AMPD3: variants seen among roughly 807,000 people sequenced by gnomAD.
The protein encoded by AMPD3 is adenosine monophosphate deaminase 3.
AMPD3 carries 57 observed loss-of-function variants against 82.3 expected under a neutral mutation model. The ratio of observed to expected loss-of-function variants is 0.69; its 90% confidence interval spans 0.56 to 0.86. The LOEUF is 0.86. Ranked by LOEUF, AMPD3 falls within the 40% of genes least tolerant of loss-of-function variation. The pLI, the probability that AMPD3 is intolerant of heterozygous loss-of-function variation, is 0.00. For synonymous variants in AMPD3, 381 were observed against 394.7 expected, an observed-to-expected ratio of 0.97 and a Z score of 0.41; for missense variants, 870 against 1,003.8, an observed-to-expected ratio of 0.87 and a Z score of 1.80.
chr11:10,468,679 C>T (rs962801963), intron 2 of AMPD3, among the ~76,000 whole-genome samples: 9 of 152,224 alleles, frequency 5.9e-5, no homozygotes, highest in African/African-American at 2.2e-4. Flanking sequence ...CCCAAATCAA[C>T]AGAATATACA....
chr11:10,500,157 C>G lies in AMPD3; in HGVS notation c.1629C>G (p.Asn543Lys), dbSNP rs1377367096. Residue 543 changes from asparagine (N) to lysine (K), a missense_variant, in exon 11 of 15, where the codon AAC (asparagine) becomes AAG (lysine). Physicochemically the swap from Asn to Lys is moderately conservative, Grantham distance 94. Coordinates refer to ENST00000396553, the MANE Select transcript of AMPD3 (RefSeq NM_001025389.2). ...SDHMFSDKSP[N>K]PDVWTSEQNP... ...ACATGTTTTCCGACAAGAGCCCAAA[C>G]CCGGACGTCTGGACCAGTGAGCAGA... 2 of 1,614,238 alleles carry G rather than the reference C, an allele frequency of 1.2e-6. No individual in the cohort carries two copies. Among genetic ancestry groups the G allele is most frequent in the East Asian group, 2.2e-5 (1 of 44,882 alleles).
chr11:10,496,337 T>G, intron 9 of AMPD3: 1 of 985,428 alleles, frequency 1.0e-6, no homozygotes, highest in Middle Eastern at 5.2e-4. Flanking sequence ...CCCCAGGGTA[T>G]GGGGAGAGCT....
At chr11:10,476,321 C>T (rs1043090297) in intron 2 of AMPD3, among the ~76,000 whole-genome samples, 10 of 152,130 alleles carry the variant, frequency 6.6e-5, no homozygotes, top group Non-Finnish European at 8.8e-5. Flanking sequence ...CCAAGGTTGT[C>T]GCCATAATGG....
chr11:10,452,460 C>T (rs2133800180), upstream of AMPD3, among the ~76,000 whole-genome samples: 1 of 152,142 alleles, frequency 6.6e-6, no homozygotes, highest in Middle Eastern at 3.4e-3. Flanking sequence ...AGGATGAGCT[C>T]ATGGCTGGAG....
chr11:10,454,465 A>G (rs531851389), upstream of AMPD3, among the ~76,000 whole-genome samples: 36 of 152,334 alleles, frequency 2.4e-4, no homozygotes, highest in South Asian at 7.5e-3. Flanking sequence ...AGGATGGTCA[A>G]ATAAGTGCGT....
upstream of AMPD3, among the ~76,000 whole-genome samples, chr11:10,454,805 C>A (rs1591433730): frequency 6.6e-6 from 1 of 152,176 alleles, no homozygotes; most frequent in Non-Finnish European, 1.5e-5. Flanking sequence ...CTCCTTCTGG[C>A]AGAATAGTAC....
chr11:10,471,192 G>C (rs1848579008), intron 2 of AMPD3, among the ~76,000 whole-genome samples: 1 of 152,144 alleles, frequency 6.6e-6, no homozygotes, highest in Admixed American at 6.5e-5. Flanking sequence ...TGACAAACCT[G>C]GCACAAACAA....
At chr11:10,459,858 G>A (rs969078618) in intron 1 of AMPD3, among the ~76,000 whole-genome samples, 25 of 151,980 alleles carry the variant, frequency 1.6e-4, no homozygotes, top group African/African-American at 5.8e-4. Context: ...AGAGAGGAAA[G>A]GGATGAGAGA....
At chr11:10,462,461 C>G (rs1480832762) in intron 2 of AMPD3, among the ~76,000 whole-genome samples, 1 of 152,128 alleles carries the variant, frequency 6.6e-6, no homozygotes, top group Non-Finnish European at 1.5e-5. Flanking sequence ...GGTGGACTTT[C>G]CAGTGGAAAC....
chr11:10,461,979 T>C (rs539070724), intron 2 of AMPD3, among the ~76,000 whole-genome samples: 8 of 152,176 alleles, frequency 5.3e-5, no homozygotes, highest in Non-Finnish European at 1.2e-4. Context: ...ACACACCATT[T>C]CCAAATGGCA....
At position 10,503,008 on chromosome 11, in the gene AMPD3, T is replaced by A. The variant is rs1047484565; in HGVS notation, c.2016+114T>A. 8 of 1,271,650 alleles carry A rather than the reference T, an allele frequency of 6.3e-6. No individual in the cohort carries two copies. In the Admixed American group the frequency reaches 1.2e-4, roughly 18 times the overall value. 78.8% of individuals were successfully genotyped at this position (1,271,650 alleles called of 1,614,324 possible). A position where few individuals can be genotyped will look rare whatever the true frequency, so the allele number is the denominator to read the frequency against. ...AGTTCTGCTTTTGGGGTGGGGTTGGTGGCCCAGTGAAGGCAGGAAGGAAGC... is the reference window on the plus strand; with the variant it reads ...AGTTCTGCTTTTGGGGTGGGGTTGGAGGCCCAGTGAAGGCAGGAAGGAAGC... On this transcript the variant is annotated intron_variant, in intron 13 of 14. Coordinates refer to ENST00000396553, the MANE Select transcript of AMPD3 (RefSeq NM_001025389.2).
At chr11:10,474,903 A>G (rs529443003) in intron 2 of AMPD3, among the ~76,000 whole-genome samples, 7 of 152,200 alleles carry the variant, frequency 4.6e-5, no homozygotes, top group Non-Finnish European at 1.0e-4. Context: ...CAGGTGAGAT[A>G]GTGGACAGAC....
chr11:10,486,250 G>T (rs1262373424), intron 5 of AMPD3, among the ~76,000 whole-genome samples: 1 of 152,174 alleles, frequency 6.6e-6, no homozygotes, highest in Non-Finnish European at 1.5e-5. Flanking sequence ...CGTCCACTCT[G>T]GGGCTTGTCT....
At chr11:10,454,807 GAATAGTACT>G (rs2133805405), upstream of AMPD3, among the ~76,000 whole-genome samples, 2 of 152,256 alleles carry the variant, frequency 1.3e-5, no homozygotes, top group South Asian at 4.1e-4. Context: ...CCTTCTGGCA[GAATAGTACT>G]AAGGGCTTGG....
intron 1 of AMPD3, chr11:10,461,049 C>G: frequency 8.7e-7 from 1 of 1,152,814 alleles, no homozygotes; most frequent in African/African-American, 1.6e-5. Context: ...TCCCAGGGCT[C>G]TGCTGTAATC....
chr11:10,501,361 G>A, intron 11 of AMPD3, 109 bp from the exon 12 acceptor site: 1 of 1,533,608 alleles, frequency 6.5e-7, no homozygotes, highest in Non-Finnish European at 8.8e-7. Context: ...CAGCACAGCT[G>A]ACCATGGGTG....
At position 10,472,224 on chromosome 11, in the gene AMPD3, A is replaced by G. The variant is rs180818583; in HGVS notation, c.222-6302A>G. On this transcript the variant is annotated intron_variant, in intron 2 of 14. Transcript: ENST00000396553. ...AACCAAACATCGCATGTTCTCACTC[A>G]TAAGTAGGAGTTGAACAATGAGAAC... Among the ~76,000 whole-genome samples the G allele has an allele frequency of 2.5e-3, 383 of 152,262 alleles. 2 individuals carry two copies. The highest frequency in any genetic ancestry group is 8.7e-3 in the African/African-American group (363 of 41,540).
Position 10,478,652 on chromosome 11 carries a change from C to G in AMPD3, c.348C>G (p.Ala116=). The G allele has an allele frequency of 6.2e-7, 1 of 1,614,228 alleles. No individual in the cohort carries two copies. The highest frequency in any genetic ancestry group is 8.5e-7 in the Non-Finnish European group (1 of 1,180,036). ...MSPTTPVVTG[A]TSLPTPAPYA... ...CCACAACCCCTGTGGTCACTGGAGC[C>G]ACTTCCCTGCCCACGCCAGCACCCT... is the stretch of plus-strand genomic sequence containing the variant. The change falls in exon 3 of 15, where the codon GCC becomes GCG. Residue 116 remains alanine (A), a synonymous_variant. Transcript: ENST00000396553.
At chr11:10,477,442 C>G (rs1050297288) in intron 2 of AMPD3, among the ~76,000 whole-genome samples, 12 of 152,152 alleles carry the variant, frequency 7.9e-5, no homozygotes, top group Admixed American at 6.5e-5. Flanking sequence ...TGCTGATGGC[C>G]TCACCTTAAT....
Sources: gnomAD v4.1 joint callset for allele counts (sites outside exome capture counted in the v4.1 genomes callset) on GRCh38, gnomAD v4.1.1 for gene constraint, MANE v1.5 for transcripts, NCBI Gene and HGNC (gene_info 2026-07-23, HGNC 2026-07-21) for gene names.